CSMD3: variants seen among roughly 807,000 people sequenced by gnomAD.
CSMD3 encodes the protein CUB and sushi domain-containing protein 3.
Under a neutral mutation model 435.2 loss-of-function variants are expected in CSMD3, and 177 were observed. That is an observed-to-expected ratio of 0.41 (90% confidence interval 0.36 to 0.46). The LOEUF (loss-of-function observed/expected upper bound fraction) is 0.46. Ranked by LOEUF, CSMD3 falls within the 20% of genes least tolerant of loss-of-function variation. CSMD3 has a pLI of 0.34. For missense variants in CSMD3, 4,265 were observed against 4,504.6 expected (o/e 0.95, Z 1.52); for synonymous variants, 1,656 against 1,520.5 (o/e 1.09, Z -2.07).
intron 1 of CSMD3, among the ~76,000 whole-genome samples, chr8:113,411,147 T>C (rs11997481): frequency 0.018 from 2,756 of 152,040 alleles, 96 homozygotes; most frequent in African/African-American, 0.061. Context: ...AGCCTCTCAT[T>C]GAACAGTTAC....
chr8:113,221,465 T>C (rs2132130944), intron 3 of CSMD3, among the ~76,000 whole-genome samples: 1 of 151,078 alleles, frequency 6.6e-6, no homozygotes, highest in Non-Finnish European at 1.5e-5. Flanking sequence ...GCTACATGGT[T>C]ATTTTTTTCA....
chr8:112,433,786 C>A (rs1214519926), intron 32 of CSMD3, among the ~76,000 whole-genome samples: 1 of 151,682 alleles, frequency 6.6e-6, no homozygotes, highest in African/African-American at 2.4e-5. Context: ...TTTAATCAAG[C>A]TAATAATTAT....
At chr8:112,763,328 T>C (rs1358419462) in intron 13 of CSMD3, among the ~76,000 whole-genome samples, 1 of 151,262 alleles carries the variant, frequency 6.6e-6, no homozygotes, top group African/African-American at 2.4e-5. Context: ...AACAATTTGG[T>C]ACAGAGCTCA....
At chr8:112,367,708 A>G (rs886481828) in intron 38 of CSMD3, among the ~76,000 whole-genome samples, 2 of 152,136 alleles carry the variant, frequency 1.3e-5, no homozygotes, top group African/African-American at 4.8e-5. Context: ...GCTTATTCTC[A>G]CCATGTAATG....
At chr8:113,004,059 G>T (rs1019672069) in intron 6 of CSMD3, among the ~76,000 whole-genome samples, 1 of 152,180 alleles carries the variant, frequency 6.6e-6, no homozygotes, top group South Asian at 2.1e-4. Context: ...AGGCTTTCAT[G>T]ATAACCATCT....
chr8:113,280,996 T>C (rs2093609058), intron 2 of CSMD3, among the ~76,000 whole-genome samples: 2 of 152,016 alleles, frequency 1.3e-5, no homozygotes, highest in Non-Finnish European at 2.9e-5. Flanking sequence ...ATTTCCAGTT[T>C]CATTCCACTG....
At chr8:112,819,033 C>T (rs1373564912) in intron 12 of CSMD3, among the ~76,000 whole-genome samples, 3 of 152,068 alleles carry the variant, frequency 2.0e-5, no homozygotes, top group Non-Finnish European at 4.4e-5. Context: ...TTCTAGAACA[C>T]ACAGGTATGT....
intron 13 of CSMD3, among the ~76,000 whole-genome samples, chr8:112,698,746 A>G (rs2131863537): frequency 6.6e-6 from 1 of 152,272 alleles, no homozygotes; most frequent in South Asian, 2.1e-4. Context: ...TAAATAAATA[A>G]ATGGGACAGA....
intron 13 of CSMD3, among the ~76,000 whole-genome samples, chr8:112,726,971 C>T (rs2076979730): frequency 6.6e-6 from 1 of 151,526 alleles, no homozygotes; most frequent in Non-Finnish European, 1.5e-5. Context: ...TAGTTCATGA[C>T]CAAGCAAAGA....
chr8:112,996,040 T>C (rs2085639940), intron 6 of CSMD3, among the ~76,000 whole-genome samples: 1 of 151,514 alleles, frequency 6.6e-6, no homozygotes, highest in Admixed American at 6.6e-5. Flanking sequence ...GAAATATGTA[T>C]GTATGGTGGA....
chr8:112,720,171 T>G (rs2076826340), intron 13 of CSMD3, among the ~76,000 whole-genome samples: 1 of 152,200 alleles, frequency 6.6e-6, no homozygotes, highest in South Asian at 2.1e-4. Flanking sequence ...TACATTCATT[T>G]GGTAGTTTAT....
chr8:112,649,657 G>A lies in CSMD3; in HGVS notation c.3193+504C>T, dbSNP rs951935263. ...TCTCATAGAAACAAAGAAGCAGTAA[G>A]GAACACTAGTATGCTATTTATTATA... is the stretch of plus-strand genomic sequence containing the variant. On this transcript the variant is annotated intron_variant, in intron 19 of 70. Coordinates refer to ENST00000297405, the MANE Select transcript of CSMD3 (RefSeq NM_198123.2). Among the ~76,000 whole-genome samples the A allele has an allele frequency of 4.6e-5, 7 of 152,234 alleles. No individual in the cohort carries two copies. In the East Asian group the frequency reaches 1.2e-3, roughly 25 times the overall value.
chr8:112,269,600 G>A (rs1014262114), intron 59 of CSMD3, among the ~76,000 whole-genome samples: 6 of 152,118 alleles, frequency 3.9e-5, no homozygotes, highest in Non-Finnish European at 4.4e-5. Context: ...ATGGGCTCTA[G>A]GTAACAGAGG....
In CSMD3 at chr8:113,112,452, TATAC is replaced by T. The variant is rs1164585895; in HGVS notation, c.710-13493_710-13490del. Among the ~76,000 whole-genome samples the T allele has an allele frequency of 4.9e-4, 20 of 40,982 alleles. 2 individuals are homozygous for T. The highest frequency in any genetic ancestry group is 2.2e-3 in the African/African-American group (19 of 8,528). 26.9% of individuals were successfully genotyped at this position (40,982 alleles called of 152,430 possible). ...ATATATATATATATATATATATGTA[TATAC>T]ACACACACACACACACGTACACACA... On this transcript the variant is annotated intron_variant, in intron 4 of 70. Transcript: ENST00000297405.
chr8:112,523,179 T>C (rs533111888), intron 27 of CSMD3, among the ~76,000 whole-genome samples: 17 of 152,020 alleles, frequency 1.1e-4, no homozygotes, highest in Non-Finnish European at 2.2e-4. Context: ...GGATGAGTAA[T>C]GATATCAGAA....
chr8:112,750,070 G>A (rs977257024), intron 13 of CSMD3, among the ~76,000 whole-genome samples: 1 of 151,954 alleles, frequency 6.6e-6, no homozygotes, highest in African/African-American at 2.4e-5. Context: ...CTAAAAACGA[G>A]CCTTCTGCAA....
At chr8:113,237,786 G>A (rs1223858895) in intron 3 of CSMD3, among the ~76,000 whole-genome samples, 1 of 152,044 alleles carries the variant, frequency 6.6e-6, no homozygotes, top group Non-Finnish European at 1.5e-5. Flanking sequence ...TTTATCAAAG[G>A]GAGTTCTGGG....
At chr8:113,046,409 C>T (rs1259919076) in intron 5 of CSMD3, among the ~76,000 whole-genome samples, 1 of 149,752 alleles carries the variant, frequency 6.7e-6, no homozygotes, top group Non-Finnish European at 1.5e-5. Context: ...CTTATTTGTG[C>T]CCTGAGTCTT....
chr8:112,799,678 C>A (rs933351304), intron 13 of CSMD3, among the ~76,000 whole-genome samples: 1 of 151,920 alleles, frequency 6.6e-6, no homozygotes, highest in Admixed American at 6.6e-5. Context: ...TGATCTGTAT[C>A]TTTACTGACA....
Sources: allele counts gnomAD v4.1 joint callset (sites outside exome capture counted in the v4.1 genomes callset), GRCh38; gene constraint gnomAD v4.1.1; transcripts MANE v1.5; gene names NCBI Gene and HGNC (gene_info 2026-07-23, HGNC 2026-07-21).